Variants in EVI5 observed in about 807,000 individuals in gnomAD.
The protein encoded by EVI5 is ecotropic viral integration site 5.
A neutral mutation model predicts 112.0 loss-of-function variants in EVI5; 73 were observed. The ratio of observed to expected loss-of-function variants is 0.65; its 90% confidence interval spans 0.54 to 0.79. The LOEUF is 0.79. Ranked by LOEUF, EVI5 falls within the 30% of genes least tolerant of loss-of-function variation. EVI5 has a pLI of 0.00. For missense variants in EVI5, 900 were observed against 968.8 expected (o/e 0.93, Z 0.94); for synonymous variants, 305 against 319.9 (o/e 0.95, Z 0.50).
chr1:92,685,928 T>G (rs1668446186), intron 9 of EVI5, among the ~76,000 whole-genome samples: 1 of 152,170 alleles, frequency 6.6e-6, no homozygotes, highest in East Asian at 1.9e-4. Context: ...CCAAAAAAAG[T>G]CCAGGACCTG....
chr1:92,620,071 G>A (rs868428707), intron 16 of EVI5, among the ~76,000 whole-genome samples: 5 of 152,114 alleles, frequency 3.3e-5, no homozygotes, highest in African/African-American at 4.8e-5. Context: ...AGGGCCGGGC[G>A]TGCTGGCTCA....
chr1:92,703,301 T>C, intron 4 of EVI5, 94 bp downstream of exon 4: 2 of 733,850 alleles, frequency 2.7e-6, no homozygotes, highest in Non-Finnish European at 4.4e-6. Context: ...CAACTGATTA[T>C]TGTGGTGGGA....
chr1:92,759,857 C>CG (rs1258317771), intron 1 of EVI5, among the ~76,000 whole-genome samples: 1 of 114,578 alleles, frequency 8.7e-6, no homozygotes, highest in Non-Finnish European at 1.7e-5. Flanking sequence ...ATACAAATAC[C>CG]CTCCCCCCCA....
chr1:92,709,451 T>G (rs1465577961), intron 2 of EVI5, among the ~76,000 whole-genome samples: 1 of 152,196 alleles, frequency 6.6e-6, no homozygotes, highest in Non-Finnish European at 1.5e-5. Flanking sequence ...TTGTAAGCCC[T>G]TCTGAACTTT....
At chr1:92,571,357 A>T (rs1370658434) in intron 18 of EVI5, among the ~76,000 whole-genome samples, 1 of 151,830 alleles carries the variant, frequency 6.6e-6, no homozygotes, top group African/African-American at 2.4e-5. Context: ...CGGACCAGTT[A>T]GAAAGCTCTG....
intron 19 of EVI5, among the ~76,000 whole-genome samples, chr1:92,515,038 AC>A (rs1233116750): frequency 1.3e-5 from 2 of 151,696 alleles, no homozygotes; most frequent in Non-Finnish European, 2.9e-5. Context: ...TCTCTCCCCA[AC>A]TCCCCCTGGG....
In EVI5 at chr1:92,693,808, AT is replaced by A. The variant is rs760182064; in HGVS notation, c.1090del (p.Met364Ter). ...AAAAATATAAAATACTTACTTTTTC[AT>A]TTTTTTTGAATTGTATTTGACTTGG... ...AYQVKYNSKKMKKLEKEYTTI... is the reference protein window; with the variant it reads ...AYQVKYNSKKXKKLEKEYTTI... On this transcript the variant is annotated frameshift_variant, in exon 9 of 20. Transcript: ENST00000684568. LOFTEE classifies it high-confidence loss of function. The A allele has an allele frequency of 1.4e-4, 219 of 1,555,530 alleles. No homozygotes were observed. The highest frequency in any genetic ancestry group is 1.6e-4 in the Non-Finnish European group (183 of 1,133,852).
chr1:92,550,575 G>A (rs1219412361), intron 19 of EVI5, among the ~76,000 whole-genome samples: 7 of 147,510 alleles, frequency 4.7e-5, no homozygotes, highest in South Asian at 2.2e-4. Flanking sequence ...GTGAAACCCC[G>A]TCTCTACTAA....
intron 18 of EVI5, among the ~76,000 whole-genome samples, chr1:92,588,497 C>T (rs914510994): frequency 6.6e-6 from 1 of 152,188 alleles, no homozygotes; most frequent in Non-Finnish European, 1.5e-5. Flanking sequence ...TCTAATGAAC[C>T]TTTATAAACC....
chr1:92,543,081 A>C (rs542199642), intron 19 of EVI5, among the ~76,000 whole-genome samples: 2 of 152,352 alleles, frequency 1.3e-5, no homozygotes, highest in South Asian at 4.1e-4. Flanking sequence ...CGAGAGAGCC[A>C]TTTGAAGCTT....
At chr1:92,550,306 C>G (rs1666577589) in intron 19 of EVI5, among the ~76,000 whole-genome samples, 2 of 125,828 alleles carry the variant, frequency 1.6e-5, no homozygotes, top group Admixed American at 1.1e-4. Flanking sequence ...ATGAGAACAG[C>G]TGGACACGGG....
intron 16 of EVI5, among the ~76,000 whole-genome samples, chr1:92,620,281 G>A (rs1422840755): frequency 5.9e-5 from 9 of 151,566 alleles, no homozygotes; most frequent in Admixed American, 2.6e-4. Context: ...AGGTGGCTGA[G>A]GTTGTGGTGA....
chr1:92,788,398 C>T (rs943046740), upstream of EVI5, among the ~76,000 whole-genome samples: 4 of 151,600 alleles, frequency 2.6e-5, no homozygotes, highest in Non-Finnish European at 2.9e-5. Context: ...CACTTGAACC[C>T]GGGGGGCGGA....
chr1:92,584,434 G>C (rs944129741), intron 18 of EVI5, among the ~76,000 whole-genome samples: 23 of 152,122 alleles, frequency 1.5e-4, no homozygotes, highest in African/African-American at 5.6e-4. Context: ...TACTATAGTA[G>C]AAGAAAACCC....
At chr1:92,573,269 T>C (rs970311867) in intron 18 of EVI5, among the ~76,000 whole-genome samples, 2 of 152,044 alleles carry the variant, frequency 1.3e-5, no homozygotes, top group African/African-American at 4.8e-5. Flanking sequence ...TAAGTGTATT[T>C]TGAAAGCTAC....
chr1:92,657,040 C>A (rs748523373), intron 13 of EVI5, among the ~76,000 whole-genome samples: 2 of 151,978 alleles, frequency 1.3e-5, no homozygotes, highest in Non-Finnish European at 2.9e-5. Context: ...TCTATGAAGC[C>A]GGCATCACCG....
At chr1:92,526,805 G>A (rs112302223) in intron 19 of EVI5, among the ~76,000 whole-genome samples, 3 of 152,214 alleles carry the variant, frequency 2.0e-5, no homozygotes, top group African/African-American at 7.2e-5. Flanking sequence ...AAAACATATA[G>A]AATGTACAAC....
chr1:92,653,347 T>C (rs947880281), intron 13 of EVI5, among the ~76,000 whole-genome samples: 1 of 152,200 alleles, frequency 6.6e-6, no homozygotes, highest in African/African-American at 2.4e-5. Flanking sequence ...GAGCACCCAC[T>C]GGGACAAAGG....
intron 17 of EVI5, 37 bp downstream of exon 17, chr1:92,607,544 T>C (rs756131816): frequency 4.1e-6 from 6 of 1,474,092 alleles, no homozygotes; most frequent in East Asian, 2.4e-5. Flanking sequence ...CATTATTATA[T>C]TGACAAAAAA....
Sources: gnomAD v4.1 joint callset for allele counts (sites outside exome capture counted in the v4.1 genomes callset) on GRCh38, gnomAD v4.1.1 for gene constraint, MANE v1.5 for transcripts, NCBI Gene and HGNC (gene_info 2026-07-23, HGNC 2026-07-21) for gene names.